Variants in PPP1R12A observed in about 807,000 individuals in gnomAD.
The protein encoded by PPP1R12A is protein phosphatase 1 regulatory subunit 12A.
A neutral mutation model predicts 139.6 loss-of-function variants in PPP1R12A; 19 were observed. The observed-to-expected ratio is 0.14, with a 90% CI of 0.09 to 0.20. The LOEUF (loss-of-function observed/expected upper bound fraction) is 0.20, where lower values mean the gene tolerates loss of function less well. Ranked by LOEUF, PPP1R12A falls within the 10% of genes least tolerant of loss-of-function variation. The probability of loss-of-function intolerance (pLI) is 1.00; values close to 1 mark genes in which losing one functional copy is unlikely to be tolerated. For synonymous variants in PPP1R12A, 427 were observed against 420.6 expected (o/e 1.02, Z -0.19); for missense variants, 925 against 1,211.5 (o/e 0.76, Z 3.51).
At chr12:79,881,932 A>T (rs998429331) in intron 1 of PPP1R12A, among the ~76,000 whole-genome samples, 1 of 152,168 alleles carries the variant, frequency 6.6e-6, no homozygotes, top group Non-Finnish European at 1.5e-5. Context: ...GGAACAACAA[A>T]GCCTGGATGG....
intron 1 of PPP1R12A, among the ~76,000 whole-genome samples, chr12:79,909,616 T>G (rs1483776154): frequency 6.6e-6 from 1 of 151,694 alleles, no homozygotes; most frequent in Non-Finnish European, 1.5e-5. Flanking sequence ...GTGCCTGTAG[T>G]CCCAGCTACT....
At chr12:79,849,584 T>C (rs1565777024) in intron 2 of PPP1R12A, among the ~76,000 whole-genome samples, 1 of 152,150 alleles carries the variant, frequency 6.6e-6, no homozygotes, top group Non-Finnish European at 1.5e-5. Flanking sequence ...ATGCCATAGT[T>C]ATTCTAAGAT....
At chr12:79,880,664 G>A (rs1163063303) in intron 1 of PPP1R12A, among the ~76,000 whole-genome samples, 4 of 152,250 alleles carry the variant, frequency 2.6e-5, no homozygotes, top group South Asian at 2.1e-4. Flanking sequence ...GAAGGGTGAC[G>A]TGATCAGATC....
At chr12:79,817,262 T>C (rs1875522960) in intron 9 of PPP1R12A, 132 bp downstream of exon 9, 1 of 822,770 alleles carries the variant, frequency 1.2e-6, no homozygotes, top group Non-Finnish European at 1.8e-6. Flanking sequence ...GAAACATAAA[T>C]ACATATTTAT....
At chr12:79,848,068 T>C (rs1010496120) in intron 2 of PPP1R12A, among the ~76,000 whole-genome samples, 1 of 152,208 alleles carries the variant, frequency 6.6e-6, no homozygotes, top group African/African-American at 2.4e-5. Context: ...GACATGTGTA[T>C]CTGATCACAA....
intron 1 of PPP1R12A, among the ~76,000 whole-genome samples, chr12:79,927,821 C>A (rs1039303678): frequency 6.6e-6 from 1 of 152,310 alleles, no homozygotes; most frequent in South Asian, 2.1e-4. Context: ...TGAGAATAAA[C>A]TTATAATTGT....
At chr12:79,808,434 T>A in intron 11 of PPP1R12A, 49 bp downstream of exon 11, 2 of 1,241,064 alleles carry the variant, frequency 1.6e-6, no homozygotes, top group Non-Finnish European at 2.4e-6. Context: ...TAATGCTAGA[T>A]AATAAAGATT....
intron 3 of PPP1R12A, chr12:79,832,728 T>C (rs1277139017): frequency 1.2e-5 from 4 of 332,278 alleles, no homozygotes; most frequent in African/African-American, 4.3e-5. Context: ...TTTGATCTTA[T>C]TTTTCCTTTC....
At chr12:79,907,014 C>G (rs1045903084) in intron 1 of PPP1R12A, among the ~76,000 whole-genome samples, 2 of 152,064 alleles carry the variant, frequency 1.3e-5, no homozygotes, top group African/African-American at 2.4e-5. Context: ...AATCTCTTTA[C>G]ATCCATGCAT....
At chr12:79,912,519 C>G (rs1189009663) in intron 1 of PPP1R12A, among the ~76,000 whole-genome samples, 1 of 151,602 alleles carries the variant, frequency 6.6e-6, no homozygotes. Flanking sequence ...TAGCGAGACC[C>G]CCAACTACAA....
chr12:79,789,700 G>A (rs990081404), intron 20 of PPP1R12A: 6 of 448,544 alleles, frequency 1.3e-5, no homozygotes, highest in Admixed American at 7.2e-5. Context: ...ACAATGATAA[G>A]AGAAATGGAA....
chr12:79,885,930 A>T (rs1300904355), intron 1 of PPP1R12A, among the ~76,000 whole-genome samples: 3 of 152,112 alleles, frequency 2.0e-5, no homozygotes. Context: ...TCCTGGCCTC[A>T]AGCAATCCTC....
intron 5 of PPP1R12A, chr12:79,823,629 T>C (rs1271447543): frequency 6.6e-6 from 1 of 151,582 alleles, no homozygotes; most frequent in Non-Finnish European, 1.5e-5. Context: ...GATCTTGCTC[T>C]GTTACCAAGG....
intron 1 of PPP1R12A, among the ~76,000 whole-genome samples, chr12:79,891,271 T>C (rs1884621290): frequency 1.3e-5 from 2 of 152,158 alleles, no homozygotes; most frequent in African/African-American, 4.8e-5. Flanking sequence ...CTAAATAATA[T>C]TTTCCATTTT....
intron 24 of PPP1R12A, chr12:79,777,117 GA>G (rs1869823294): frequency 2.2e-6 from 2 of 890,940 alleles, no homozygotes; most frequent in Non-Finnish European, 2.7e-6. Flanking sequence ...ACATTATTTT[GA>G]AAAACATAAT....
chr12:79,897,708 C>A (rs71463839), intron 1 of PPP1R12A, among the ~76,000 whole-genome samples: 1 of 152,132 alleles, frequency 6.6e-6, no homozygotes, highest in African/African-American at 2.4e-5. Context: ...GAACGTGGTA[C>A]CACATCCTGC....
rs746022915 is a variant in PPP1R12A, at chr12:79,808,529, G to T, written c.1504C>A (p.Pro502Thr). 2 of 1,609,246 alleles carry T rather than the reference G, an allele frequency of 1.2e-6. No individual in the cohort carries two copies. The highest frequency in any genetic ancestry group is 1.7e-5 in the Admixed American group (1 of 59,738). The change falls in exon 11 of 25, where the codon CCA becomes ACA. Residue 502 changes from proline to threonine, a missense_variant. By Grantham distance (38) the Pro-to-Thr change is conservative. Around this residue, in one of 4 missense-constraint regions of PPP1R12A, gnomAD observed 403 missense variants for 463.7 expected, o/e 0.87. Coordinates refer to ENST00000450142, the MANE Select transcript of PPP1R12A (RefSeq NM_002480.3). ...TCAGATGTACTGGCTAGTCGTCTTG[G>T]TATTGTAGGTGCAACATATGCAAGC... ...TRLAYVAPTI[P>T]RRLASTSDIE...
At chr12:79,895,592 C>T (rs1488106363) in intron 1 of PPP1R12A, among the ~76,000 whole-genome samples, 3 of 152,142 alleles carry the variant, frequency 2.0e-5, no homozygotes, top group Non-Finnish European at 2.9e-5. Flanking sequence ...TTTTCTGATA[C>T]AGCTATTTCA....
intron 2 of PPP1R12A, among the ~76,000 whole-genome samples, chr12:79,861,566 G>A (rs2137283068): frequency 6.6e-6 from 1 of 152,310 alleles, no homozygotes; most frequent in African/African-American, 2.4e-5. Context: ...GCCAAGGGAA[G>A]CCGTGAGTGA....
Sources: allele counts gnomAD v4.1 joint callset (sites outside exome capture counted in the v4.1 genomes callset), GRCh38; gene constraint gnomAD v4.1.1; regional missense constraint gnomAD v4.1.1; transcripts MANE v1.5; gene names NCBI Gene and HGNC (gene_info 2026-07-23, HGNC 2026-07-21).